Variants in GCN1 observed in about 807,000 individuals in gnomAD.
GCN1 encodes the protein GCN1 activator of EIF2AK4.
A neutral mutation model predicts 288.4 loss-of-function variants in GCN1; 90 were observed. That is an observed-to-expected ratio of 0.31 (90% CI 0.26 to 0.37). The LOEUF is 0.37. Ranked by LOEUF, GCN1 falls within the 10% of genes least tolerant of loss-of-function variation. GCN1 has a pLI of 1.00. For synonymous variants in GCN1, 1,386 were observed against 1,420.2 expected, an observed-to-expected ratio of 0.98 and a Z score of 0.54; for missense variants, 2,586 against 3,419.9, an observed-to-expected ratio of 0.76 and a Z score of 6.08.
chr12:120,159,141 G>A (rs953596869), intron 24 of GCN1, among the ~76,000 whole-genome samples: 9 of 152,142 alleles, frequency 5.9e-5, no homozygotes, highest in Admixed American at 5.2e-4. Flanking sequence ...AAATGAGTAC[G>A]CTGACAGGAG....
At chr12:120,184,697 G>C (rs762641814) in intron 3 of GCN1, 127 bp downstream of exon 3, 2 of 738,384 alleles carry the variant, frequency 2.7e-6, no homozygotes, top group Non-Finnish European at 4.9e-6. Flanking sequence ...AGGATCTAAT[G>C]GCTAGGATGT....
At chr12:120,180,004 G>A (rs1878599863) in intron 5 of GCN1, among the ~76,000 whole-genome samples, 1 of 152,058 alleles carries the variant, frequency 6.6e-6, no homozygotes. Context: ...ATAGGTCCTT[G>A]ACTAAAAAAA....
Position 120,144,484 on chromosome 12 carries a change from A to AC in GCN1, c.5353-37dup. On this transcript the variant is annotated intron_variant, in intron 41 of 57. Coordinates refer to ENST00000300648, the MANE Select transcript of GCN1 (RefSeq NM_006836.2). The surrounding 1 kb of genome is among the most constrained non-coding windows in gnomAD (Gnocchi z 4.7). Reference sequence around the variant, plus strand: ...AGAGGGTGGGTCAGCCAGAGCTGCCACCCCCAGGCCCCCAGCCCAAAAAAC... The same window carrying AC: ...AGAGGGTGGGTCAGCCAGAGCTGCCACCCCCCAGGCCCCCAGCCCAAAAAAC... 1 of 1,598,434 alleles carries AC rather than the reference A, an allele frequency of 6.3e-7. No individual in the cohort carries two copies. Among genetic ancestry groups the AC allele is most frequent in the Non-Finnish European group, 8.5e-7 (1 of 1,170,766 alleles).
intron 22 of GCN1, among the ~76,000 whole-genome samples, chr12:120,160,887 GAAAC>G (rs1057186766): frequency 1.6e-4 from 24 of 152,326 alleles, no homozygotes; most frequent in Admixed American, 2.6e-4. Context: ...TGTTAGTAAA[GAAAC>G]AAATATGATG....
In GCN1 at chr12:120,178,712, C is replaced by T. The variant is rs762911046; in HGVS notation, c.573G>A (p.Glu191=). ...EQYLSAILSL[E]PNQNYAGMLG... Reference sequence around the variant, plus strand: ...GCATGCCAGCATAGTTCTGGTTGGGCTCTAGGCTGAGAATGGCTGACAAGT... The same window carrying T: ...GCATGCCAGCATAGTTCTGGTTGGGTTCTAGGCTGAGAATGGCTGACAAGT... The change falls in exon 7 of 58, where the codon GAG becomes GAA. Residue 191 remains glutamate, a synonymous_variant. Transcript: ENST00000300648. The T allele has an allele frequency of 1.7e-5, 28 of 1,614,012 alleles. No individual in the cohort carries two copies. The Admixed American group carries it at 4.7e-4, about 27-fold the overall frequency.
At position 120,156,628 on chromosome 12, in the gene GCN1, G is replaced by A. The variant is rs1175424919; in HGVS notation, c.3169-24C>T. 1.2e-6 allele frequency: 2 copies of A among 1,612,194 alleles called. No homozygotes were observed. The highest frequency in any genetic ancestry group is 3.3e-5 in the Admixed American group (2 of 59,942). ...ACCTAAGGAGAACATCAATCCACTG[G>A]TTCAGTCAGCAACTCATTTACTACT... On this transcript the variant is annotated intron_variant, in intron 27 of 57. Coordinates refer to ENST00000300648, the MANE Select transcript of GCN1 (RefSeq NM_006836.2). This position sits in a 1 kb window ranked among gnomAD's most constrained non-coding sequence, Gnocchi z 5.8.
chr12:120,144,614 C>T lies in GCN1; in HGVS notation c.5352+25G>A. Reference sequence around the variant, plus strand: ...CCTCCTGCCCTCCTCAAGGACTCTACCCTTGCCAAGGTCATGGTACCTACT... The same window carrying T: ...CCTCCTGCCCTCCTCAAGGACTCTATCCTTGCCAAGGTCATGGTACCTACT... On this transcript the variant is annotated intron_variant, in intron 41 of 57. Coordinates refer to ENST00000300648, the MANE Select transcript of GCN1 (RefSeq NM_006836.2). The surrounding 1 kb of genome is among the most constrained non-coding windows in gnomAD (Gnocchi z 4.7). The T allele has an allele frequency of 6.2e-7, 1 of 1,602,798 alleles. No individual in the cohort carries two copies. Among genetic ancestry groups the T allele is most frequent in the Non-Finnish European group, 8.5e-7 (1 of 1,170,074 alleles).
intron 9 of GCN1, among the ~76,000 whole-genome samples, chr12:120,176,593 C>T (rs2139132436): frequency 6.6e-6 from 1 of 152,276 alleles, no homozygotes; most frequent in East Asian, 1.9e-4. Flanking sequence ...ATTTTGTTTT[C>T]TTCCACTCAA....
chr12:120,176,734 T>G (rs1878492312), intron 9 of GCN1, among the ~76,000 whole-genome samples: 1 of 152,200 alleles, frequency 6.6e-6, no homozygotes, highest in Non-Finnish European at 1.5e-5. Flanking sequence ...GATATACTTT[T>G]GTGCATTCTT....
intron 16 of GCN1, among the ~76,000 whole-genome samples, chr12:120,165,487 A>T (rs1355099276): frequency 6.6e-6 from 1 of 151,288 alleles, no homozygotes; most frequent in Non-Finnish European, 1.5e-5. Flanking sequence ...ACTTTTTTTG[A>T]GACAGAGTCT....
At chr12:120,164,579 T>C in intron 17 of GCN1, 67 bp downstream of exon 17, 1 of 1,596,142 alleles carries the variant, frequency 6.3e-7, no homozygotes, top group East Asian at 2.2e-5. Flanking sequence ...CCACACACCC[T>C]TTCTCGGGTT....
At chr12:120,169,276 C>CAAAAAAAAAAAAAAAAAAAAAAAA (rs35819206) in intron 15 of GCN1, among the ~76,000 whole-genome samples, 5 of 66,652 alleles carry the variant, frequency 7.5e-5, no homozygotes, top group African/African-American at 1.3e-4. Context: ...AACTCCGTCT[C>CAAAAAAAAAAAAAAAAAAAAAAAA]AAAAAAAAAA....
intron 2 of GCN1, among the ~76,000 whole-genome samples, chr12:120,185,782 G>A (rs1481684673): frequency 1.3e-5 from 2 of 152,230 alleles, no homozygotes; most frequent in African/African-American, 4.8e-5. Context: ...TGTATTTTTA[G>A]TAGAGACAGG....
intron 46 of GCN1, 82 bp downstream of exon 46, chr12:120,138,613 G>A: frequency 1.4e-6 from 2 of 1,412,778 alleles, no homozygotes; most frequent in Non-Finnish European, 2.0e-6. Flanking sequence ...GACTGCCTTG[G>A]CAGAATAATC....
At chr12:120,184,692 C>T in intron 3 of GCN1, 132 bp downstream of exon 3, 1 of 723,824 alleles carries the variant, frequency 1.4e-6, no homozygotes, top group Non-Finnish European at 2.5e-6. Flanking sequence ...TGCCCAGGAT[C>T]TAATGGCTAG....
At chr12:120,152,085 A>T (rs1002852910) in intron 33 of GCN1, among the ~76,000 whole-genome samples, 2 of 152,144 alleles carry the variant, frequency 1.3e-5, no homozygotes, top group African/African-American at 4.8e-5. Context: ...GCTACAGTGC[A>T]GTGGCACAAT....
At position 120,170,227 on chromosome 12, in the gene GCN1, A is replaced by G. The variant is rs2286050; in HGVS notation, c.1461T>C (p.Thr487=). ...GCAACAAGGCTGCGGCAACCCCTTC[A>G]GTGATGGTGGGAACCTGAGTGCTTT... ...ASQSTQVPTI[T]EGVAAALLLL... is the part of the protein sequence containing the mutation. Residue 487 remains threonine (T), a synonymous_variant, in exon 15 of 58, where the codon ACT becomes ACC. Transcript: ENST00000300648. The G allele has an allele frequency of 0.17, 274,358 of 1,613,626 alleles. 28,406 individuals carry two copies. The highest frequency in any genetic ancestry group is 0.55 in the East Asian group (24,669 of 44,852).
At position 120,131,307 on chromosome 12, in the gene GCN1, C is replaced by A. The variant is rs779140560; in HGVS notation, c.7441G>T (p.Val2481Phe). ...LADVSGIDWM[V>F]RHGRSLALSV... Reference sequence around the variant, plus strand: ...AGTGCCAGGCTCCGCCCGTGCCGAACCATCCAGTCAATGCCGGACACGTCC... The same window carrying A: ...AGTGCCAGGCTCCGCCCGTGCCGAAACATCCAGTCAATGCCGGACACGTCC... The change falls in exon 55 of 58, where the codon GTT (valine) becomes TTT (phenylalanine). Residue 2481 changes from valine (V) to phenylalanine (F), a missense_variant. Val to Phe is a conservative substitution (Grantham distance 50). Coordinates refer to ENST00000300648, the MANE Select transcript of GCN1 (RefSeq NM_006836.2). The A allele has an allele frequency of 1.4e-5, 22 of 1,614,084 alleles. No individual in the cohort carries two copies. The highest frequency in any genetic ancestry group is 1.8e-5 in the Non-Finnish European group (21 of 1,180,032).
In GCN1 at chr12:120,155,538, T is replaced by C. The variant is rs1300105043; in HGVS notation, c.3440+54A>G. ...GGCTGAGCACACTGGGTTCAGTTAT[T>C]TCCTAAAGGAAGAGAGGATGCAGCA... is the stretch of plus-strand genomic sequence containing the variant. On this transcript the variant is annotated intron_variant, in intron 29 of 57. Coordinates refer to ENST00000300648, the MANE Select transcript of GCN1 (RefSeq NM_006836.2). This position sits in a 1 kb window ranked among gnomAD's most constrained non-coding sequence, Gnocchi z 4.9. 6.2e-7 allele frequency: 1 copy of C among 1,611,648 alleles called. No homozygotes were observed. Among genetic ancestry groups the C allele is most frequent in the South Asian group, 1.1e-5 (1 of 91,004 alleles).
Sources: gnomAD v4.1 joint callset for allele counts (sites outside exome capture counted in the v4.1 genomes callset) on GRCh38, gnomAD v4.1.1 for gene constraint, Gnocchi (gnomAD v3.1) non-coding constraint, MANE v1.5 for transcripts, NCBI Gene and HGNC (gene_info 2026-07-23, HGNC 2026-07-21) for gene names.